Variants in SLC28A1 observed in about 807,000 individuals in gnomAD.
The protein encoded by SLC28A1 is sodium/nucleoside cotransporter 1.
SLC28A1 carries 64 observed loss-of-function variants against 74.8 expected under a neutral mutation model. The observed-to-expected ratio is 0.86, with a 90% confidence interval of 0.70 to 1.05. The LOEUF is 1.05. Ranked by LOEUF, SLC28A1 falls within the 50% of genes least tolerant of loss-of-function variation. The pLI is 0.00. For missense variants in SLC28A1, 828 were observed against 822.8 expected (o/e 1.01, Z -0.08); for synonymous variants, 359 against 335.0 (o/e 1.07, Z -0.78).
chr15:84,911,396 G>A (rs1968190471), intron 9 of SLC28A1, among the ~76,000 whole-genome samples: 1 of 152,188 alleles, frequency 6.6e-6, no homozygotes, highest in Non-Finnish European at 1.5e-5. Context: ...CAGGAGCAGT[G>A]TGTTGGCCGC....
intron 6 of SLC28A1, among the ~76,000 whole-genome samples, chr15:84,896,682 G>A (rs1001222923): frequency 3.3e-5 from 5 of 152,074 alleles, no homozygotes; most frequent in African/African-American, 1.2e-4. Context: ...CATGGTGTTG[G>A]GCGCCTGTAA....
At chr15:84,930,615 T>C (rs901247181) in intron 12 of SLC28A1, among the ~76,000 whole-genome samples, 10 of 25,740 alleles carry the variant, frequency 3.9e-4, no homozygotes, top group Non-Finnish European at 9.0e-4. Flanking sequence ...TGCCCTCTGC[T>C]TTTTTTTTTT....
At chr15:84,967,550 T>C in the SLC28A1 span, among the ~76,000 whole-genome samples, 1 of 152,188 alleles carries the variant, frequency 6.6e-6, no homozygotes, top group Non-Finnish European at 1.5e-5. Flanking sequence ...ACAGACATAA[T>C]AGTGAACTTA....
At chr15:84,958,954 G>T in the SLC28A1 span, among the ~76,000 whole-genome samples, 1 of 151,814 alleles carries the variant, frequency 6.6e-6, no homozygotes, top group South Asian at 2.1e-4. Flanking sequence ...ACAAAAATTA[G>T]CAGGGTTGAG....
chr15:84,954,462 C>G, the SLC28A1 span, among the ~76,000 whole-genome samples: 6 of 152,198 alleles, frequency 3.9e-5, 1 homozygote, highest in Non-Finnish European at 8.8e-5. Flanking sequence ...GAAAAAGGGA[C>G]TAACGTTTTC....
At chr15:84,963,619 GTCCAGCTGC>G in the SLC28A1 span, among the ~76,000 whole-genome samples, 5 of 151,900 alleles carry the variant, frequency 3.3e-5, no homozygotes, top group East Asian at 9.7e-4. Context: ...CCTACCTGGG[GTCCAGCTGC>G]CCCCCCGAGC....
At chr15:84,895,144 G>T (rs200805046) in intron 6 of SLC28A1, 21 bp downstream of exon 6, 4 of 1,613,282 alleles carry the variant, frequency 2.5e-6, no homozygotes, top group African/African-American at 2.7e-5. Context: ...TCACAGCCCC[G>T]AGGCAGGGCA....
At chr15:84,951,059 C>G in the SLC28A1 span, among the ~76,000 whole-genome samples, 2 of 152,162 alleles carry the variant, frequency 1.3e-5, no homozygotes, top group Non-Finnish European at 1.5e-5. Flanking sequence ...TGGTATATTT[C>G]ACATTTTTGC....
chr15:84,924,526 C>T (rs968758174), intron 12 of SLC28A1, among the ~76,000 whole-genome samples: 2 of 152,140 alleles, frequency 1.3e-5, no homozygotes, highest in African/African-American at 4.8e-5. Flanking sequence ...CTCCCTTTCC[C>T]CACACTCTCT....
chr15:84,884,884 C>T lies in SLC28A1; in HGVS notation c.-133+133C>T, dbSNP rs190313828. On this transcript the variant is annotated intron_variant, in intron 1 of 18. Coordinates refer to ENST00000394573, the MANE Select transcript of SLC28A1 (RefSeq NM_004213.5). ...CACTAGGGCTTGGCGAAGACCCCTT[C>T]GAGGACAGCTCCAGGCCCATCCCTG... 67 of 213,370 alleles carry T rather than the reference C, an allele frequency of 3.1e-4. No homozygotes were observed. The East Asian group carries it at 6.1e-3, about 19-fold the overall frequency. 13.2% of individuals were successfully genotyped at this position (213,370 alleles called of 1,614,324 possible).
At chr15:84,949,762 G>A (rs74574903), downstream of SLC28A1, among the ~76,000 whole-genome samples, 1,993 of 151,942 alleles carry the variant, frequency 0.013, 50 homozygotes, top group African/African-American at 0.046. Context: ...CCTCAAATCC[G>A]AGGGCTTGCA....
At chr15:84,930,986 T>C (rs1406847978) in intron 12 of SLC28A1, among the ~76,000 whole-genome samples, 7 of 152,088 alleles carry the variant, frequency 4.6e-5, no homozygotes, top group African/African-American at 1.7e-4. Context: ...TTGGCCAGAC[T>C]GGTCTCGAAC....
intron 9 of SLC28A1, among the ~76,000 whole-genome samples, chr15:84,913,816 A>C (rs902003817): frequency 6.6e-6 from 1 of 150,820 alleles, no homozygotes; most frequent in East Asian, 2.0e-4. Context: ...ACACTTCTAG[A>C]GGCTGGAAGT....
At chr15:84,907,810 C>T (rs1967464523) in intron 8 of SLC28A1, among the ~76,000 whole-genome samples, 1 of 152,174 alleles carries the variant, frequency 6.6e-6, no homozygotes, top group East Asian at 1.9e-4. Flanking sequence ...CCTGCCGGTC[C>T]AGGAATGTGC....
chr15:84,967,116 A>C, the SLC28A1 span, among the ~76,000 whole-genome samples: 3 of 152,126 alleles, frequency 2.0e-5, no homozygotes, highest in East Asian at 5.8e-4. Context: ...ATTTTGGATT[A>C]TCTACGACCT....
At chr15:84,901,931 C>T (rs4842998) in intron 6 of SLC28A1, among the ~76,000 whole-genome samples, 48,256 of 152,080 alleles carry the variant, frequency 0.32, 8,771 homozygotes, top group South Asian at 0.56. Flanking sequence ...GCTTTATCTG[C>T]AATAGCCGAA....
At chr15:84,885,257 C>A (rs555833815) in intron 1 of SLC28A1, among the ~76,000 whole-genome samples, 8 of 151,142 alleles carry the variant, frequency 5.3e-5, no homozygotes, top group Admixed American at 4.6e-4. Flanking sequence ...CCGTGCCCCC[C>A]CTCTTTTTTT....
intron 6 of SLC28A1, among the ~76,000 whole-genome samples, chr15:84,901,721 T>A (rs949072541): frequency 1.3e-5 from 2 of 152,204 alleles, no homozygotes; most frequent in Admixed American, 1.3e-4. Flanking sequence ...TATCAAGTGT[T>A]GGCAAGGATA....
At chr15:84,966,152 C>T in the SLC28A1 span, among the ~76,000 whole-genome samples, 51 of 151,928 alleles carry the variant, frequency 3.4e-4, no homozygotes, top group African/African-American at 1.2e-3. Flanking sequence ...GTCTTGGCTC[C>T]CTGCAACCTC....
Sources: allele counts gnomAD v4.1 joint callset (sites outside exome capture counted in the v4.1 genomes callset), GRCh38; gene constraint gnomAD v4.1.1; transcripts MANE v1.5; gene names NCBI Gene and HGNC (gene_info 2026-07-23, HGNC 2026-07-21).